The following HSF2BP variants were observed in gnomAD, a reference collection of about 807,000 sequenced individuals.
The protein encoded by HSF2BP is heat shock transcription factor 2 binding protein, also known as heat shock factor 2-binding protein.
HSF2BP carries 35 observed loss-of-function variants against 35.0 expected under a neutral mutation model. The ratio of observed to expected loss-of-function variants is 1.00; its 90% CI spans 0.76 to 1.32. The LOEUF is 1.32. HSF2BP is among the 40% of genes most tolerant of loss of function. The probability of loss-of-function intolerance (pLI) is 0.00; values close to 1 mark genes in which losing one functional copy is unlikely to be tolerated. For missense variants in HSF2BP, 326 were observed against 321.7 expected (o/e 1.01, Z -0.10); for synonymous variants, 114 against 117.4 (o/e 0.97, Z 0.18).
At chr21:43,631,997 CCA>C (rs1489179367) in intron 5 of HSF2BP, among the ~76,000 whole-genome samples, 2 of 97,768 alleles carry the variant, frequency 2.0e-5, no homozygotes, top group African/African-American at 8.2e-5. Context: ...ACACACACTC[CCA>C]CACACACAGG....
chr21:43,643,526 T>C (rs538259288), intron 4 of HSF2BP, among the ~76,000 whole-genome samples: 1 of 152,308 alleles, frequency 6.6e-6, no homozygotes, highest in East Asian at 1.9e-4. Context: ...CTTTCTCTCA[T>C]CATGTGATCT....
chr21:43,620,440 G>A (rs1162865239), intron 6 of HSF2BP, among the ~76,000 whole-genome samples: 1 of 152,202 alleles, frequency 6.6e-6, no homozygotes, highest in Non-Finnish European at 1.5e-5. Flanking sequence ...GCTCATGACT[G>A]TAATCCCAAC....
intron 6 of HSF2BP, among the ~76,000 whole-genome samples, chr21:43,617,917 G>A (rs1309545564): frequency 6.6e-6 from 1 of 152,056 alleles, no homozygotes; most frequent in Admixed American, 6.5e-5. Flanking sequence ...TGGTGCCACT[G>A]CACTCCAGCC....
intron 3 of HSF2BP, among the ~76,000 whole-genome samples, chr21:43,649,347 G>A (rs1202975570): frequency 4.6e-5 from 7 of 151,956 alleles, no homozygotes; most frequent in African/African-American, 1.7e-4. Flanking sequence ...GCAGGAGAAT[G>A]GCATGAACCA....
intron 7 of HSF2BP, among the ~76,000 whole-genome samples, chr21:43,594,425 A>C (rs2081961142): frequency 6.6e-6 from 1 of 152,194 alleles, no homozygotes. Context: ...AATGCATATA[A>C]TCCAGGATGT....
intron 6 of HSF2BP, among the ~76,000 whole-genome samples, chr21:43,625,837 G>A (rs1410046906): frequency 6.6e-6 from 1 of 152,064 alleles, no homozygotes; most frequent in Non-Finnish European, 1.5e-5. Flanking sequence ...CAGGAAAACA[G>A]CCGCGCTGAG....
At chr21:43,614,843 G>A (rs1425402641) in intron 6 of HSF2BP, among the ~76,000 whole-genome samples, 1 of 152,094 alleles carries the variant, frequency 6.6e-6, no homozygotes, top group African/African-American at 2.4e-5. Flanking sequence ...ATCTATATTT[G>A]CTAATAACTT....
At chr21:43,639,922 C>T (rs1017821488) in intron 4 of HSF2BP, among the ~76,000 whole-genome samples, 4 of 152,014 alleles carry the variant, frequency 2.6e-5, no homozygotes, top group Admixed American at 1.3e-4. Context: ...CAACATATTG[C>T]AAACAAATTG....
At chr21:43,609,809 G>A (rs1487688058) in intron 7 of HSF2BP, 1 of 152,320 alleles carries the variant, frequency 6.6e-6, no homozygotes, top group Non-Finnish European at 1.5e-5. Flanking sequence ...CTGAGATCCC[G>A]AGTCAGGATA....
intron 4 of HSF2BP, among the ~76,000 whole-genome samples, chr21:43,643,793 C>T (rs1443755903): frequency 6.6e-6 from 1 of 152,090 alleles, no homozygotes; most frequent in African/African-American, 2.4e-5. Context: ...CCCGTCTCTA[C>T]TAAAAATACA....
intron 7 of HSF2BP, chr21:43,609,820 G>A (rs2082181474): frequency 6.6e-6 from 1 of 152,344 alleles, no homozygotes; most frequent in South Asian, 2.1e-4. Context: ...AGTCAGGATA[G>A]AGGGTAAACA....
intron 3 of HSF2BP, among the ~76,000 whole-genome samples, chr21:43,648,815 C>T (rs2082743404): frequency 6.6e-6 from 1 of 152,254 alleles, no homozygotes; most frequent in Non-Finnish European, 1.5e-5. Flanking sequence ...TTAGAAATCA[C>T]ATAGCGCAGT....
In HSF2BP at chr21:43,578,923, G is replaced by T. The variant is rs188601885; in HGVS notation, c.796+13302C>A. Among the ~76,000 whole-genome samples the T allele has an allele frequency of 1.5e-3, 228 of 152,326 alleles. 2 individuals are homozygous for T. Among genetic ancestry groups the T allele is most frequent in the African/African-American group, 5.2e-3 (217 of 41,566 alleles). ...AGACTAGTTGTGTACCTTCCAGCCC[G>T]GCCAGGACCGCCTCTGGGATGTCAG... On this transcript the variant is annotated intron_variant, in intron 8 of 8. Coordinates refer to ENST00000291560, the MANE Select transcript of HSF2BP (RefSeq NM_007031.2).
At chr21:43,631,194 C>G (rs2082451389) in intron 5 of HSF2BP, among the ~76,000 whole-genome samples, 1 of 152,182 alleles carries the variant, frequency 6.6e-6, no homozygotes, top group Non-Finnish European at 1.5e-5. Flanking sequence ...CACATTTAGT[C>G]TTTCCACCTA....
intron 4 of HSF2BP, among the ~76,000 whole-genome samples, chr21:43,643,253 T>C (rs1319923001): frequency 6.6e-6 from 1 of 152,164 alleles, no homozygotes; most frequent in Non-Finnish European, 1.5e-5. Context: ...AACTATAAGA[T>C]ATTATGTACA....
chr21:43,618,657 C>A (rs1483210764), intron 6 of HSF2BP, among the ~76,000 whole-genome samples: 2 of 152,098 alleles, frequency 1.3e-5, no homozygotes, highest in African/African-American at 4.8e-5. Flanking sequence ...TTAAAGCTGG[C>A]CGGGCGCAGT....
intron 7 of HSF2BP, among the ~76,000 whole-genome samples, chr21:43,607,639 G>C (rs184007604): frequency 2.4e-3 from 363 of 152,196 alleles, no homozygotes; most frequent in Admixed American, 3.9e-3. Context: ...AATAGCCAAA[G>C]CAACGCTAAG....
At position 43,630,455 on chromosome 21, in the gene HSF2BP, C is replaced by T. The variant is rs751221863; in HGVS notation, c.442-1G>A. 6.2e-7 allele frequency: 1 copy of T among 1,607,732 alleles called. No individual in the cohort carries two copies. Among genetic ancestry groups the T allele is most frequent in the African/African-American group, 1.3e-5 (1 of 74,494 alleles). Reference sequence around the variant, plus strand: ...TGCTGAAAAACTTCAAAGCTTTATCCTGAAAGTTTGAAAATCAGAGTGTCA... The same window carrying T: ...TGCTGAAAAACTTCAAAGCTTTATCTTGAAAGTTTGAAAATCAGAGTGTCA... On this transcript the variant is annotated splice_acceptor_variant, in intron 5 of 8. Coordinates refer to ENST00000291560, the MANE Select transcript of HSF2BP (RefSeq NM_007031.2). LOFTEE classifies it high-confidence loss of function.
intron 7 of HSF2BP, among the ~76,000 whole-genome samples, chr21:43,607,424 G>A (rs1267845912): frequency 6.6e-6 from 1 of 151,890 alleles, no homozygotes; most frequent in Non-Finnish European, 1.5e-5. Flanking sequence ...AAGAACTACA[G>A]AACACTGCTG....
Sources: gnomAD v4.1 joint callset for allele counts (sites outside exome capture counted in the v4.1 genomes callset) on GRCh38, gnomAD v4.1.1 for gene constraint, MANE v1.5 for transcripts, NCBI Gene and HGNC (gene_info 2026-07-23, HGNC 2026-07-21) for gene names.